SLA: variants seen among roughly 807,000 people sequenced by gnomAD.
SLA encodes Src like adaptor, also known as src-like-adapter.
Under a neutral mutation model 30.3 loss-of-function variants are expected in SLA, and 16 were observed. The ratio of observed to expected loss-of-function variants is 0.53; its 90% CI spans 0.36 to 0.80. The LOEUF (loss-of-function observed/expected upper bound fraction) is 0.80, where lower values mean the gene tolerates loss of function less well. Ranked by LOEUF, SLA falls within the 30% of genes least tolerant of loss-of-function variation. SLA has a pLI of 0.01. For synonymous variants in SLA, 143 were observed against 137.8 expected (o/e 1.04, Z -0.26); for missense variants, 310 against 345.2 (o/e 0.90, Z 0.81).
chr8:133,094,391 T>C (rs1251450986), intron 1 of SLA, among the ~76,000 whole-genome samples: 3 of 151,724 alleles, frequency 2.0e-5, no homozygotes, highest in Admixed American at 1.3e-4. Context: ...CAGGCGCCCG[T>C]CACCACGCCT....
At chr8:133,086,562 A>G (rs1038615892) in intron 1 of SLA, among the ~76,000 whole-genome samples, 2 of 152,206 alleles carry the variant, frequency 1.3e-5, no homozygotes, top group Admixed American at 1.3e-4. Context: ...AAAAAAAACT[A>G]TACCTTTTGA....
In SLA at chr8:133,050,066, A is replaced by G. The variant is rs1587885032; in HGVS notation, c.162-78T>C. The G allele has an allele frequency of 1.6e-5, 15 of 951,110 alleles. No homozygotes were observed. The East Asian group carries it at 3.6e-4, about 23-fold the overall frequency. The allele number at this position is 951,110 out of a possible 1,614,324, so 58.9% of individuals were successfully genotyped here. A position where few individuals can be genotyped will look rare whatever the true frequency, so the allele number is the denominator to read the frequency against. ...AAGGATGAATGAACAGAGTAATCAG[A>G]TTTAACCCAGGACAGTTTGGAACAT... is the stretch of plus-strand genomic sequence containing the variant. On this transcript the variant is annotated intron_variant, in intron 4 of 8. Coordinates refer to ENST00000338087, the MANE Select transcript of SLA (RefSeq NM_001045556.3).
chr8:133,059,553 C>A (rs1842059084), intron 3 of SLA, among the ~76,000 whole-genome samples: 1 of 152,094 alleles, frequency 6.6e-6, no homozygotes, highest in Non-Finnish European at 1.5e-5. Context: ...TAGGCTCTTC[C>A]CCCGAGAATG....
At chr8:133,080,621 A>G (rs1845601778) in intron 1 of SLA, among the ~76,000 whole-genome samples, 2 of 151,334 alleles carry the variant, frequency 1.3e-5, no homozygotes, top group African/African-American at 4.9e-5. Context: ...GAACCACTTC[A>G]CCCCTTTCCT....
chr8:133,098,141 C>T (rs1848713158), intron 1 of SLA, among the ~76,000 whole-genome samples: 1 of 152,192 alleles, frequency 6.6e-6, no homozygotes, highest in Non-Finnish European at 1.5e-5. Context: ...GACAAGACAA[C>T]CATTCAGGAA....
At chr8:133,046,910 TG>T (rs1487832473) in intron 6 of SLA, among the ~76,000 whole-genome samples, 14 of 152,338 alleles carry the variant, frequency 9.2e-5, no homozygotes, top group Middle Eastern at 3.4e-3. Flanking sequence ...ATTAGGTGCA[TG>T]GGAAGTACTC....
intron 3 of SLA, among the ~76,000 whole-genome samples, chr8:133,057,814 T>C (rs1463790323): frequency 1.3e-5 from 2 of 151,636 alleles, no homozygotes; most frequent in African/African-American, 4.8e-5. Context: ...TAAAGCCATG[T>C]TCCAAGGCAT....
At chr8:133,071,737 C>A (rs1185811387) in intron 2 of SLA, among the ~76,000 whole-genome samples, 3 of 152,154 alleles carry the variant, frequency 2.0e-5, no homozygotes, top group Admixed American at 1.3e-4. Flanking sequence ...ACCGACTGCA[C>A]TGACTACACT....
At chr8:133,056,669 C>T (rs1449396392) in intron 3 of SLA, among the ~76,000 whole-genome samples, 1 of 152,316 alleles carries the variant, frequency 6.6e-6, no homozygotes, top group Non-Finnish European at 1.5e-5. Flanking sequence ...TAGGCAGAAG[C>T]CTCGTGGGGC....
chr8:133,051,678 T>C (rs1268661851), intron 3 of SLA, among the ~76,000 whole-genome samples: 1 of 152,112 alleles, frequency 6.6e-6, no homozygotes, highest in Non-Finnish European at 1.5e-5. Flanking sequence ...GGAGAGACAG[T>C]GATTTTGCTT....
chr8:133,043,126 C>T (rs917708551), intron 7 of SLA, among the ~76,000 whole-genome samples: 2 of 152,116 alleles, frequency 1.3e-5, no homozygotes, highest in Non-Finnish European at 2.9e-5. Context: ...GAACAGATGA[C>T]TGTAATCCAT....
chr8:133,037,643 T>C lies in SLA; in HGVS notation c.*881A>G, dbSNP rs984898103. ...GGGGGTTAGGACTTACGCATCTTTT[T>C]TTTTTTTTTGGCTTGCCTGACACCT... On this transcript the variant is annotated 3_prime_UTR_variant, in exon 9 of 9. Coordinates refer to ENST00000338087, the MANE Select transcript of SLA (RefSeq NM_001045556.3). 1.3e-5 allele frequency: 2 copies of C among 152,128 alleles called. No homozygotes were observed. The highest frequency in any genetic ancestry group is 4.8e-5 in the African/African-American group (2 of 41,430). 9.4% of individuals were successfully genotyped at this position (152,128 alleles called of 1,614,324 possible). A position where few individuals can be genotyped will look rare whatever the true frequency, so the allele number is the denominator to read the frequency against.
chr8:133,061,802 C>G (rs563859874), intron 2 of SLA, among the ~76,000 whole-genome samples: 2 of 152,266 alleles, frequency 1.3e-5, no homozygotes, highest in East Asian at 3.9e-4. Context: ...TGTACAGGTT[C>G]TGGAAAGAAG....
intron 2 of SLA, among the ~76,000 whole-genome samples, chr8:133,067,598 A>T (rs1429757170): frequency 6.6e-6 from 1 of 152,086 alleles, no homozygotes; most frequent in Non-Finnish European, 1.5e-5. Context: ...CAACGTTGTG[A>T]AACCCTATCT....
chr8:133,048,427 G>A (rs769192392), intron 5 of SLA, among the ~76,000 whole-genome samples: 11 of 152,088 alleles, frequency 7.2e-5, no homozygotes, highest in Non-Finnish European at 1.5e-4. Flanking sequence ...CACCATGTTG[G>A]CTGGGCTGGT....
intron 3 of SLA, among the ~76,000 whole-genome samples, chr8:133,054,414 A>G (rs1022662549): frequency 2.6e-5 from 4 of 152,234 alleles, no homozygotes; most frequent in Admixed American, 1.3e-4. Context: ...CTACACAGTG[A>G]TGCGATTTGG....
intron 3 of SLA, among the ~76,000 whole-genome samples, chr8:133,055,940 A>G (rs1346464194): frequency 2.0e-5 from 3 of 151,946 alleles, no homozygotes; most frequent in Non-Finnish European, 4.4e-5. Context: ...TGAAGTCCTC[A>G]CGCCTCCCTG....
At chr8:133,065,597 A>C (rs2131371446) in intron 2 of SLA, among the ~76,000 whole-genome samples, 1 of 152,234 alleles carries the variant, frequency 6.6e-6, no homozygotes, top group African/African-American at 2.4e-5. Context: ...CCCCGTCTCT[A>C]CTAAAAATAC....
chr8:133,077,001 A>G (rs999580375), intron 1 of SLA, among the ~76,000 whole-genome samples: 2 of 152,178 alleles, frequency 1.3e-5, no homozygotes, highest in Non-Finnish European at 2.9e-5. Flanking sequence ...ATGGCGACCC[A>G]TCAAAGAAAC....
Sources: allele counts gnomAD v4.1 joint callset (sites outside exome capture counted in the v4.1 genomes callset), GRCh38; gene constraint gnomAD v4.1.1; transcripts MANE v1.5; gene names NCBI Gene and HGNC (gene_info 2026-07-23, HGNC 2026-07-21).